GRIK3: variants seen among roughly 807,000 people sequenced by gnomAD.
GRIK3 encodes the protein glutamate ionotropic receptor kainate type subunit 3, also known as glutamate receptor ionotropic, kainate 3.
Under a neutral mutation model 102.5 loss-of-function variants are expected in GRIK3, and 29 were observed. That is an observed-to-expected ratio of 0.28 (90% CI 0.21 to 0.39). GRIK3 has a LOEUF of 0.39. GRIK3 is among the 10% of genes least tolerant of loss of function. The pLI is 1.00. For missense variants in GRIK3, 908 were observed against 1,252.4 expected (o/e 0.73, Z 4.15); for synonymous variants, 511 against 504.9 (o/e 1.01, Z -0.16).
chr1:36,892,036 G>T (rs1641123167), intron 1 of GRIK3, among the ~76,000 whole-genome samples: 1 of 151,840 alleles, frequency 6.6e-6, no homozygotes, highest in African/African-American at 2.4e-5. Flanking sequence ...TTATTCATTT[G>T]AGATGGAGTT....
At position 36,797,996 on chromosome 1, in the gene GRIK3, G is replaced by T. The variant is rs1357447647; in HGVS notation, c.*3855C>A. 6.6e-6 allele frequency: 1 copy of T among 152,308 alleles called. No homozygotes were observed. The highest frequency in any genetic ancestry group is 1.5e-5 in the Non-Finnish European group (1 of 68,148). The allele number at this position is 152,308 out of a possible 1,614,324, so 9.4% of individuals were successfully genotyped here. Reference sequence around the variant, plus strand: ...CCAGAGTGTGCTTCCAGGTTAGATAGAGTCTCGGCTGTGAGGAGGGGGTGG... The same window carrying T: ...CCAGAGTGTGCTTCCAGGTTAGATATAGTCTCGGCTGTGAGGAGGGGGTGG... On this transcript the variant is annotated 3_prime_UTR_variant, in exon 16 of 16. Coordinates refer to ENST00000373091, the MANE Select transcript of GRIK3 (RefSeq NM_000831.4).
rs533849920 is a variant in GRIK3 at position 36,865,937 on chromosome 1, C to T, written c.786+3811G>A. Among the ~76,000 whole-genome samples the T allele has an allele frequency of 3.3e-5, 5 of 152,274 alleles. No individual in the cohort carries two copies. In the East Asian group the frequency reaches 5.8e-4, roughly 18 times the overall value. ...CTCTGTCCCCTAGGCTGGAGTGCAG[C>T]GGCACAATCTTAGCTCACGGTAGCC... On this transcript the variant is annotated intron_variant, in intron 5 of 15. Coordinates refer to ENST00000373091, the MANE Select transcript of GRIK3 (RefSeq NM_000831.4).
chr1:37,024,560 T>C (rs558862574), intron 1 of GRIK3, among the ~76,000 whole-genome samples: 1 of 151,316 alleles, frequency 6.6e-6, no homozygotes, highest in East Asian at 1.9e-4. Context: ...CTGGCCAATA[T>C]GGTGAAACCC....
chr1:36,860,614 G>A (rs1012157359), intron 5 of GRIK3, among the ~76,000 whole-genome samples: 1 of 152,198 alleles, frequency 6.6e-6, no homozygotes, highest in African/African-American at 2.4e-5. Context: ...CCTGCCAAGG[G>A]TCCAGGAGAA....
In GRIK3 at chr1:36,805,022, C is replaced by T; in HGVS notation, c.2530G>A (p.Val844Met). ...LSVLVAVGEF[V>M]YKLRKTAERE... ...TCTGCTGTTTTGCGGAGCTTGTACA[C>T]AAACTCGCCCACGGCCACCAGCACA... is the stretch of plus-strand genomic sequence containing the variant. Residue 844 changes from valine (V) to methionine (M), a missense_variant, in exon 15 of 16, where the codon GTG becomes ATG. This residue lies in a region of GRIK3 where 297 missense variants were observed against 362.7 expected (regional missense o/e 0.82). Transcript: ENST00000373091. The T allele has an allele frequency of 6.2e-7, 1 of 1,614,200 alleles. No individual in the cohort carries two copies. Among genetic ancestry groups the T allele is most frequent in the Non-Finnish European group, 8.5e-7 (1 of 1,180,026 alleles).
intron 1 of GRIK3, among the ~76,000 whole-genome samples, chr1:36,939,191 G>A (rs1018866101): frequency 1.3e-5 from 2 of 152,222 alleles, no homozygotes; most frequent in African/African-American, 4.8e-5. Context: ...AGTGAAACAT[G>A]AAAAGCTGAT....
chr1:37,012,240 T>G (rs894919787), intron 1 of GRIK3, among the ~76,000 whole-genome samples: 3 of 152,230 alleles, frequency 2.0e-5, no homozygotes, highest in Non-Finnish European at 2.9e-5. Context: ...GTTCAGCGAT[T>G]TTGTAAAAAA....
At chr1:36,958,550 CCT>C (rs1641955028) in intron 1 of GRIK3, among the ~76,000 whole-genome samples, 1 of 150,674 alleles carries the variant, frequency 6.6e-6, no homozygotes, top group Non-Finnish European at 1.5e-5. Flanking sequence ...GCCTGTGTGC[CCT>C]GTGAGTCTGT....
intron 1 of GRIK3, among the ~76,000 whole-genome samples, chr1:36,934,373 A>C (rs1334799): frequency 0.89 from 135,170 of 152,188 alleles, 60,102 homozygotes; most frequent in East Asian, 0.99. Context: ...TGAATCTCAT[A>C]TTCCTTATGC....
At chr1:36,807,368 G>A (rs1642513104) in intron 13 of GRIK3, among the ~76,000 whole-genome samples, 1 of 152,156 alleles carries the variant, frequency 6.6e-6, no homozygotes, top group Non-Finnish European at 1.5e-5. Context: ...CTCCCAGCAG[G>A]GATCAGCCCT....
chr1:36,835,662 G>A (rs1031415709), intron 10 of GRIK3, among the ~76,000 whole-genome samples: 6 of 152,118 alleles, frequency 3.9e-5, no homozygotes, highest in African/African-American at 1.4e-4. Context: ...ATAAACTTTC[G>A]TGCAATTGAT....
At chr1:36,899,964 A>T (rs1220432822) in intron 1 of GRIK3, among the ~76,000 whole-genome samples, 1 of 152,232 alleles carries the variant, frequency 6.6e-6, no homozygotes, top group African/African-American at 2.4e-5. Context: ...AGACTTCAAC[A>T]CCCTTTTATC....
chr1:36,829,054 G>C lies in GRIK3; in HGVS notation c.1531-3228C>G, dbSNP rs1438878501. On this transcript the variant is annotated intron_variant, in intron 10 of 15. Coordinates refer to ENST00000373091, the MANE Select transcript of GRIK3 (RefSeq NM_000831.4). The stretch of plus-strand genomic sequence containing the variant: ...CGGTGGCAAGACAACTGGCCAATAT[G>C]ACCTTCACTGGGAGTTTGGATCTGT... Among the ~76,000 whole-genome samples the C allele has an allele frequency of 2.0e-5, 3 of 152,338 alleles. No individual in the cohort carries two copies. The East Asian group carries it at 5.8e-4, about 29-fold the overall frequency.
At chr1:37,005,643 C>T (rs1363374933) in intron 1 of GRIK3, among the ~76,000 whole-genome samples, 1 of 152,194 alleles carries the variant, frequency 6.6e-6, no homozygotes, top group Non-Finnish European at 1.5e-5. Context: ...CTGCAAGTGG[C>T]TGTCAGAGCA....
At chr1:37,007,832 G>T (rs1373522579) in intron 1 of GRIK3, among the ~76,000 whole-genome samples, 2 of 152,230 alleles carry the variant, frequency 1.3e-5, no homozygotes, top group Non-Finnish European at 2.9e-5. Context: ...GGAGGGCAGT[G>T]ATGGGACACA....
At chr1:36,895,420 A>T (rs1641162230) in intron 1 of GRIK3, among the ~76,000 whole-genome samples, 1 of 151,820 alleles carries the variant, frequency 6.6e-6, no homozygotes, top group Non-Finnish European at 1.5e-5. Flanking sequence ...AGGCAAAGAG[A>T]TGGGAATTCT....
At chr1:36,876,188 C>T (rs886701653) in intron 3 of GRIK3, among the ~76,000 whole-genome samples, 1 of 152,090 alleles carries the variant, frequency 6.6e-6, no homozygotes, top group Admixed American at 6.6e-5. Flanking sequence ...AAGACTCTGA[C>T]TCTATAAAAA....
chr1:37,007,514 G>T (rs1642545133), intron 1 of GRIK3, among the ~76,000 whole-genome samples: 1 of 152,162 alleles, frequency 6.6e-6, no homozygotes, highest in Non-Finnish European at 1.5e-5. Context: ...AGGACGAAAT[G>T]AACAAGGCTC....
rs1383853750 is a variant in GRIK3, at chr1:36,796,345, T to TG, written c.*5505dup. On this transcript the variant is annotated 3_prime_UTR_variant, in exon 16 of 16. Transcript: ENST00000373091. Reference sequence around the variant, plus strand: ...GAGAGAAAGGCAGACAGATGGAGCCTGGGCTGTGCTAGGATAGGAGCTACC... The same window carrying TG: ...GAGAGAAAGGCAGACAGATGGAGCCTGGGGCTGTGCTAGGATAGGAGCTACC... 1.3e-5 allele frequency: 2 copies of TG among 152,238 alleles called. No homozygotes were observed. Among genetic ancestry groups the TG allele is most frequent in the Non-Finnish European group, 2.9e-5 (2 of 68,072 alleles). 9.4% of individuals were successfully genotyped at this position (152,238 alleles called of 1,614,324 possible). A position where few individuals can be genotyped will look rare whatever the true frequency, so the allele number is the denominator to read the frequency against.
Sources: allele counts gnomAD v4.1 joint callset (sites outside exome capture counted in the v4.1 genomes callset), GRCh38; gene constraint gnomAD v4.1.1; regional missense constraint gnomAD v4.1.1; transcripts MANE v1.5; gene names NCBI Gene and HGNC (gene_info 2026-07-23, HGNC 2026-07-21).